ERC1: variants seen among roughly 807,000 people sequenced by gnomAD.
The protein encoded by ERC1 is ELKS/RAB6-interacting/CAST family member 1.
A neutral mutation model predicts 132.0 loss-of-function variants in ERC1; 56 were observed. The observed-to-expected ratio is 0.42, with a 90% CI of 0.34 to 0.53. The LOEUF (loss-of-function observed/expected upper bound fraction) is 0.53, where lower values mean the gene tolerates loss of function less well. Ranked by LOEUF, ERC1 falls within the 20% of genes least tolerant of loss-of-function variation. The probability of loss-of-function intolerance (pLI) is 0.03; values close to 1 mark genes in which losing one functional copy is unlikely to be tolerated. For synonymous variants in ERC1, 478 were observed against 476.1 expected (o/e 1.00, Z -0.05); for missense variants, 1,202 against 1,349.9 (o/e 0.89, Z 1.72).
At chr12:1,116,877 G>A (rs1230056204) in intron 7 of ERC1, among the ~76,000 whole-genome samples, 3 of 152,128 alleles carry the variant, frequency 2.0e-5, no homozygotes, top group East Asian at 1.9e-4. Context: ...CACCATGCCC[G>A]GGCAGTGTTT....
chr12:998,853 CTTTTT>C (rs527367596), intron 1 of ERC1, among the ~76,000 whole-genome samples: 1 of 102,466 alleles, frequency 9.8e-6, no homozygotes, highest in Non-Finnish European at 1.9e-5. Context: ...TTCTCTGTCA[CTTTTT>C]TTTTTTTTTT....
intron 16 of ERC1, among the ~76,000 whole-genome samples, chr12:1,382,431 G>C (rs1398271105): frequency 2.6e-5 from 4 of 152,208 alleles, no homozygotes; most frequent in Admixed American, 1.3e-4. Context: ...AGGCATCCAT[G>C]TTTCCCTGGA....
intron 2 of ERC1, among the ~76,000 whole-genome samples, chr12:1,035,718 C>G (rs895989558): frequency 6.6e-6 from 1 of 151,890 alleles, no homozygotes; most frequent in Non-Finnish European, 1.5e-5. Context: ...GTCAGGAGAT[C>G]GAGACCATCC....
intron 5 of ERC1, among the ~76,000 whole-genome samples, chr12:1,111,843 G>A (rs1945903788): frequency 6.6e-6 from 1 of 152,100 alleles, no homozygotes; most frequent in Non-Finnish European, 1.5e-5. Context: ...CTGACCTCAA[G>A]TGATCCTCCT....
chr12:1,334,956 G>A (rs1193769562), intron 15 of ERC1, among the ~76,000 whole-genome samples: 1 of 152,132 alleles, frequency 6.6e-6, no homozygotes, highest in African/African-American at 2.4e-5. Context: ...TGCTTGGTTA[G>A]CTGTATTCGT....
intron 18 of ERC1, 97 bp downstream of exon 18, chr12:1,444,847 T>G: frequency 2.7e-6 from 3 of 1,107,474 alleles, no homozygotes; most frequent in Non-Finnish European, 3.9e-6. Context: ...CCAGTTGCCG[T>G]GTAGTTGATG....
chr12:996,078 A>T (rs1960783484), intron 1 of ERC1, among the ~76,000 whole-genome samples: 1 of 149,532 alleles, frequency 6.7e-6, no homozygotes, highest in Non-Finnish European at 1.5e-5. Context: ...TTAGTTTTTT[A>T]CTTCTCTGTT....
At chr12:1,172,402 A>G (rs1271198259) in intron 8 of ERC1, among the ~76,000 whole-genome samples, 1 of 152,202 alleles carries the variant, frequency 6.6e-6, no homozygotes, top group Non-Finnish European at 1.5e-5. Context: ...CAGGAGTTCA[A>G]GGATGCAGTG....
intron 18 of ERC1, among the ~76,000 whole-genome samples, chr12:1,454,379 A>T (rs1461213179): frequency 1.3e-5 from 2 of 152,192 alleles, no homozygotes; most frequent in Non-Finnish European, 2.9e-5. Context: ...CTATCAAATT[A>T]ACCTAATCCG....
At position 1,440,329 on chromosome 12, in the gene ERC1, C is replaced by T. The variant is rs568619108; in HGVS notation, c.3025-4233C>T. Among the ~76,000 whole-genome samples, 61 of 148,146 alleles carry T rather than the reference C, an allele frequency of 4.1e-4. No homozygotes were observed. The South Asian group carries it at 6.9e-3, about 17-fold the overall frequency. On this transcript the variant is annotated intron_variant, in intron 17 of 18. Coordinates refer to ENST00000360905, the MANE Select transcript of ERC1 (RefSeq NM_178040.4). Reference sequence around the variant, plus strand: ...ACGCCATTCTCCTGCCTCAGCCTCCCGAGTAGCTGGGACTACAGACGCCCG... The same window carrying T: ...ACGCCATTCTCCTGCCTCAGCCTCCTGAGTAGCTGGGACTACAGACGCCCG...
chr12:1,344,581 G>C (rs953426554), intron 15 of ERC1, among the ~76,000 whole-genome samples: 6 of 152,112 alleles, frequency 3.9e-5, no homozygotes, highest in African/African-American at 1.4e-4. Flanking sequence ...TTTAACTCTT[G>C]ACTAAAGGTT....
chr12:1,439,500 A>G (rs898918670), intron 17 of ERC1, among the ~76,000 whole-genome samples: 1 of 152,220 alleles, frequency 6.6e-6, no homozygotes, highest in Non-Finnish European at 1.5e-5. Context: ...TTAACCAAAA[A>G]TGTCTCATCC....
At chr12:1,393,513 G>A (rs975935901) in intron 16 of ERC1, among the ~76,000 whole-genome samples, 11 of 152,058 alleles carry the variant, frequency 7.2e-5, no homozygotes, top group African/African-American at 2.7e-4. Context: ...CAGCCTGGGC[G>A]ACAGAGGAGA....
intron 17 of ERC1, among the ~76,000 whole-genome samples, chr12:1,418,085 A>G (rs1359795661): frequency 6.6e-6 from 1 of 152,240 alleles, no homozygotes; most frequent in African/African-American, 2.4e-5. Context: ...TTGAAGCCAG[A>G]TATGTCTAAT....
chr12:1,223,743 G>T (rs545668157), intron 12 of ERC1, among the ~76,000 whole-genome samples: 2 of 152,250 alleles, frequency 1.3e-5, no homozygotes, highest in Non-Finnish European at 2.9e-5. Flanking sequence ...CTTAGCAATT[G>T]TGAATCTAAT....
At chr12:1,305,017 G>GACCTCAT (rs368020676) in intron 15 of ERC1, among the ~76,000 whole-genome samples, 1 of 151,526 alleles carries the variant, frequency 6.6e-6, no homozygotes, top group Non-Finnish European at 1.5e-5. Context: ...CTCGATCTCC[G>GACCTCAT]GATCCACCCA....
intron 8 of ERC1, among the ~76,000 whole-genome samples, chr12:1,145,258 C>A (rs189585866): frequency 6.6e-6 from 1 of 152,264 alleles, no homozygotes; most frequent in African/African-American, 2.4e-5. Context: ...CTCAGGTGAT[C>A]CACCCGCCTC....
At chr12:1,106,915 A>T (rs1945328034) in intron 4 of ERC1, among the ~76,000 whole-genome samples, 1 of 152,224 alleles carries the variant, frequency 6.6e-6, no homozygotes, top group South Asian at 2.1e-4. Context: ...GGTCAAGAGG[A>T]TGTGATGCTG....
chr12:1,455,310 GTCTTACT>G (rs541299194), intron 18 of ERC1, among the ~76,000 whole-genome samples: 1 of 152,192 alleles, frequency 6.6e-6, no homozygotes, highest in Non-Finnish European at 1.5e-5. Context: ...GGAACACTAG[GTCTTACT>G]TCTATCTAAC....
Sources: gnomAD v4.1 joint callset for allele counts (sites outside exome capture counted in the v4.1 genomes callset) on GRCh38, gnomAD v4.1.1 for gene constraint, MANE v1.5 for transcripts, NCBI Gene and HGNC (gene_info 2026-07-23, HGNC 2026-07-21) for gene names.